Variants in FMN1 observed in about 807,000 individuals in gnomAD.
FMN1 encodes formin 1.
Under a neutral mutation model 132.4 loss-of-function variants are expected in FMN1, and 110 were observed. That is an observed-to-expected ratio of 0.83 (90% CI 0.71 to 0.97). The LOEUF (loss-of-function observed/expected upper bound fraction) is 0.97, where lower values mean the gene tolerates loss of function less well. Ranked by LOEUF, FMN1 falls within the 50% of genes least tolerant of loss-of-function variation. The pLI is 0.00. For missense variants in FMN1, 1,792 were observed against 1,705.3 expected, an observed-to-expected ratio of 1.05 and a Z score of -0.90; for synonymous variants, 722 against 651.7, an observed-to-expected ratio of 1.11 and a Z score of -1.64.
intron 7 of FMN1, among the ~76,000 whole-genome samples, chr15:32,971,846 G>C (rs1462341428): frequency 2.6e-5 from 4 of 152,128 alleles, no homozygotes; most frequent in Admixed American, 2.6e-4. Context: ...ATGAAATCTT[G>C]TATCTAGAGC....
intron 6 of FMN1, among the ~76,000 whole-genome samples, chr15:33,019,996 G>A (rs1042187689): frequency 9.2e-5 from 14 of 152,314 alleles, no homozygotes; most frequent in East Asian, 5.8e-4. Context: ...CACCGAGAGC[G>A]AGCGAGGGCT....
Position 33,155,035 on chromosome 15 carries a change from A to C in FMN1, c.-121T>G. 1.4e-6 allele frequency: 1 copy of C among 721,034 alleles called. No homozygotes were observed. Among genetic ancestry groups the C allele is most frequent in the Non-Finnish European group, 2.2e-6 (1 of 447,436 alleles). The allele number at this position is 721,034 out of a possible 1,614,324, so 44.7% of individuals were successfully genotyped here. ...AAAGCAGCTGACAGTCATCTCCAGC[A>C]ATGAGACTGCCTGTTAGAGGAACAG... is the stretch of plus-strand genomic sequence containing the variant. On this transcript the variant is annotated 5_prime_UTR_variant, in exon 4 of 21. In the 5' UTR this introduces an upstream ATG that the reference lacks. Transcript: ENST00000616417.
chr15:32,888,709 C>T (rs1411142423), intron 15 of FMN1, among the ~76,000 whole-genome samples: 1 of 152,158 alleles, frequency 6.6e-6, no homozygotes, highest in Non-Finnish European at 1.5e-5. Context: ...GGGTGTGAAT[C>T]AGAAGGTGCT....
chr15:33,077,096 C>CTCAGTTCACCACAACA (rs1031321367), intron 5 of FMN1, among the ~76,000 whole-genome samples: 8 of 152,166 alleles, frequency 5.3e-5, no homozygotes, highest in Non-Finnish European at 1.0e-4. Context: ...TGGGGGCAAT[C>CTCAGTTCACCACAACA]TCAGTTCACC....
chr15:32,888,846 C>T (rs529113605), intron 15 of FMN1, among the ~76,000 whole-genome samples: 1 of 146,130 alleles, frequency 6.8e-6, no homozygotes, highest in East Asian at 2.0e-4. Context: ...TGTATCTACA[C>T]ATATACACAG....
At chr15:32,873,494 C>T (rs2059564448) in intron 16 of FMN1, among the ~76,000 whole-genome samples, 1 of 152,198 alleles carries the variant, frequency 6.6e-6, no homozygotes, top group Non-Finnish European at 1.5e-5. Flanking sequence ...GGGACAGTTT[C>T]TGGTCCAGCA....
intron 4 of FMN1, among the ~76,000 whole-genome samples, chr15:33,128,044 A>T (rs1015896994): frequency 6.6e-6 from 1 of 152,162 alleles, no homozygotes; most frequent in Non-Finnish European, 1.5e-5. Context: ...GACACGACAC[A>T]GGTCAGGTGA....
At chr15:33,114,127 G>A (rs1170336703) in intron 4 of FMN1, among the ~76,000 whole-genome samples, 3 of 152,168 alleles carry the variant, frequency 2.0e-5, no homozygotes, top group Non-Finnish European at 4.4e-5. Context: ...AGCCTGTTCT[G>A]CCGTCAAGGT....
intron 18 of FMN1, among the ~76,000 whole-genome samples, chr15:32,803,080 C>T (rs552964708): frequency 6.6e-6 from 1 of 152,216 alleles, no homozygotes; most frequent in East Asian, 1.9e-4. Flanking sequence ...CAGATGGCAC[C>T]GTCTATGGGA....
chr15:32,806,941 C>CA (rs1309230096), intron 17 of FMN1, among the ~76,000 whole-genome samples: 2 of 152,194 alleles, frequency 1.3e-5, no homozygotes, highest in Non-Finnish European at 2.9e-5. Flanking sequence ...ATCTACCTAA[C>CA]AGACTATTCC....
intron 4 of FMN1, among the ~76,000 whole-genome samples, chr15:33,110,096 T>C (rs2039641418): frequency 6.6e-6 from 1 of 152,098 alleles, no homozygotes; most frequent in South Asian, 2.1e-4. Flanking sequence ...TTAAAATAAC[T>C]GATAATTGTC....
chr15:33,102,937 T>G (rs2039348656), intron 4 of FMN1, among the ~76,000 whole-genome samples: 1 of 152,126 alleles, frequency 6.6e-6, no homozygotes, highest in African/African-American at 2.4e-5. Flanking sequence ...GTTATTTTCA[T>G]GGCAATCTGA....
At chr15:33,182,950 A>C (rs927084772) in intron 2 of FMN1, among the ~76,000 whole-genome samples, 1 of 152,212 alleles carries the variant, frequency 6.6e-6, no homozygotes, top group Non-Finnish European at 1.5e-5. Flanking sequence ...CAGACAGGAA[A>C]CTGGGGCTTA....
At chr15:32,910,672 T>G in intron 10 of FMN1, 137 bp from the exon 11 acceptor site, 1 of 671,796 alleles carries the variant, frequency 1.5e-6, no homozygotes. Context: ...TCTGCTCCCC[T>G]TCCTTTCGCA....
At chr15:32,853,673 A>C (rs1318111298) in intron 17 of FMN1, among the ~76,000 whole-genome samples, 1 of 152,234 alleles carries the variant, frequency 6.6e-6, no homozygotes, top group Non-Finnish European at 1.5e-5. Flanking sequence ...CAGCCCCTAC[A>C]TCATAGCATA....
At chr15:33,072,145 A>T (rs2038023678) in intron 5 of FMN1, among the ~76,000 whole-genome samples, 2 of 152,234 alleles carry the variant, frequency 1.3e-5, no homozygotes. Flanking sequence ...ACTTGGGGAA[A>T]AATCTACAAA....
intron 16 of FMN1, among the ~76,000 whole-genome samples, chr15:32,887,696 TAGAAA>T (rs1214742481): frequency 2.6e-5 from 4 of 152,172 alleles, no homozygotes; most frequent in African/African-American, 9.7e-5. Flanking sequence ...AACTAGAAAC[TAGAAA>T]ATGTGAGTTC....
At chr15:33,079,634 G>A (rs2038370102) in intron 5 of FMN1, among the ~76,000 whole-genome samples, 1 of 152,242 alleles carries the variant, frequency 6.6e-6, no homozygotes, top group African/African-American at 2.4e-5. Flanking sequence ...AAAAAAGAAA[G>A]CTGAGCTGTT....
chr15:33,126,650 C>G (rs903053634), intron 4 of FMN1, among the ~76,000 whole-genome samples: 1 of 152,170 alleles, frequency 6.6e-6, no homozygotes, highest in African/African-American at 2.4e-5. Flanking sequence ...AGTTGCAAAT[C>G]CTGGCAGCAT....
Sources: gnomAD v4.1 joint callset for allele counts (sites outside exome capture counted in the v4.1 genomes callset) on GRCh38, gnomAD v4.1.1 for gene constraint, MANE v1.5 for transcripts, NCBI Gene and HGNC (gene_info 2026-07-23, HGNC 2026-07-21) for gene names.